The following PDE4D variants were observed in gnomAD, a reference collection of about 807,000 sequenced individuals.
The protein encoded by PDE4D is 3',5'-cyclic-AMP phosphodiesterase 4D.
A neutral mutation model predicts 87.4 loss-of-function variants in PDE4D; 24 were observed. The observed-to-expected ratio is 0.27, with a 90% CI of 0.20 to 0.39. The LOEUF is 0.39. Among genes scored for constraint, PDE4D ranks in the 10% least tolerant of loss-of-function variants. PDE4D has a pLI of 1.00. For missense variants in PDE4D, 714 were observed against 1,041.0 expected (o/e 0.69, Z 4.32); for synonymous variants, 384 against 383.2 (o/e 1.00, Z -0.02).
chr5:59,752,324 C>T (rs1169490946), intron 1 of PDE4D, among the ~76,000 whole-genome samples: 3 of 152,110 alleles, frequency 2.0e-5, no homozygotes, highest in Admixed American at 6.6e-5. Context: ...TTAAATATAT[C>T]ATTTGAACTT....
chr5:59,799,331 T>C (rs1044677021), intron 1 of PDE4D, among the ~76,000 whole-genome samples: 1 of 152,122 alleles, frequency 6.6e-6, no homozygotes, highest in Admixed American at 6.5e-5. Context: ...TTATGTGTAA[T>C]GATGAGGGAA....
chr5:59,853,379 T>C, intron 1 of PDE4D, among the ~76,000 whole-genome samples: 1 of 146,568 alleles, frequency 6.8e-6, no homozygotes, highest in South Asian at 2.1e-4. Flanking sequence ...GTCTTAAATG[T>C]AATTTGTTCT....
chr5:59,326,715 A>C (rs923309633), intron 1 of PDE4D, among the ~76,000 whole-genome samples: 3 of 150,884 alleles, frequency 2.0e-5, no homozygotes, highest in Non-Finnish European at 4.4e-5. Context: ...TGTAATCTCT[A>C]AAACACATGT....
chr5:59,519,018 CT>C (rs1226903221), intron 1 of PDE4D, among the ~76,000 whole-genome samples: 1 of 152,174 alleles, frequency 6.6e-6, no homozygotes, highest in Non-Finnish European at 1.5e-5. Context: ...GTGTTAGAGA[CT>C]TAGTAAAGCC....
chr5:59,359,932 G>GT (rs1294545976), intron 1 of PDE4D, among the ~76,000 whole-genome samples: 34 of 152,134 alleles, frequency 2.2e-4, no homozygotes, highest in African/African-American at 4.8e-4. Context: ...TGTTATCCAT[G>GT]TAAGTCCTAA....
intron 6 of PDE4D, chr5:58,999,995 G>T: frequency 1.3e-6 from 1 of 772,450 alleles, no homozygotes; most frequent in Non-Finnish European, 1.6e-6. Context: ...TGCACCAATT[G>T]CATTCCAGCT....
At chr5:59,109,164 A>G (rs930522224) in intron 5 of PDE4D, among the ~76,000 whole-genome samples, 1 of 152,178 alleles carries the variant, frequency 6.6e-6, no homozygotes, top group Non-Finnish European at 1.5e-5. Flanking sequence ...TGAGGCACTC[A>G]GATGAAAAAC....
rs1035829147 is a variant in PDE4D, at chr5:60,501,148, C to T, written n.70+20903G>A. On this transcript the variant is annotated intron_variant and non_coding_transcript_variant, in intron 1 of 2. Coordinates refer to the PDE4D transcript ENST00000506510. ...TATATCTCCTAATACTATCCCTCCC[C>T]GCTTCCCCCACCCCACAACAGTCCC... Among the ~76,000 whole-genome samples the T allele has an allele frequency of 4.6e-5, 7 of 152,260 alleles. No homozygotes were observed. In the East Asian group the frequency reaches 5.8e-4, roughly 13 times the overall value.
chr5:59,473,460 C>T (rs536917890), intron 1 of PDE4D, among the ~76,000 whole-genome samples: 1 of 152,098 alleles, frequency 6.6e-6, no homozygotes, highest in South Asian at 2.1e-4. Context: ...AACACCAAGC[C>T]ACTCCATATA....
chr5:59,594,296 A>ATTTG (rs771619707), intron 1 of PDE4D, among the ~76,000 whole-genome samples: 2 of 79,134 alleles, frequency 2.5e-5, no homozygotes, highest in African/African-American at 5.5e-5. Flanking sequence ...TTTTTATTTT[A>ATTTG]TTTATTTATT....
At chr5:60,436,041 A>G (rs570064546) in intron 1 of PDE4D, among the ~76,000 whole-genome samples, 1 of 152,250 alleles carries the variant, frequency 6.6e-6, no homozygotes, top group South Asian at 2.1e-4. Flanking sequence ...TTCAGAGTAG[A>G]TAATGAAACT....
exon 2 of PDE4D, chr5:60,185,644 C>A: frequency 7.9e-7 from 1 of 1,272,348 alleles, no homozygotes; most frequent in South Asian, 1.3e-5. Context: ...TTTCCAGTGT[C>A]AATGATCTCA....
intron 1 of PDE4D, among the ~76,000 whole-genome samples, chr5:60,323,967 C>T (rs559047541): frequency 6.6e-6 from 1 of 152,270 alleles, no homozygotes; most frequent in South Asian, 2.1e-4. Context: ...TTAATTTCCT[C>T]TGGTAGCACC....
chr5:60,304,651 C>CAAAAAAAAAAAAAAAAA (rs70975379), intron 1 of PDE4D, among the ~76,000 whole-genome samples: 20 of 60,056 alleles, frequency 3.3e-4, no homozygotes, highest in African/African-American at 1.6e-3. Context: ...GACTCCGTCT[C>CAAAAAAAAAAAAAAAAA]AAAAAAAAAA....
At chr5:58,989,944 C>A in intron 9 of PDE4D, 25 bp from the exon 10 acceptor site, 2 of 1,411,558 alleles carry the variant, frequency 1.4e-6, no homozygotes, top group Non-Finnish European at 2.0e-6. Context: ...ATCATCTTAA[C>A]ATTTTTGTCT....
intron 1 of PDE4D, among the ~76,000 whole-genome samples, chr5:59,334,383 C>G (rs945649518): frequency 6.6e-6 from 1 of 151,030 alleles, no homozygotes; most frequent in African/African-American, 2.4e-5. Flanking sequence ...CTCAGCCTCC[C>G]TAGTAGCTGG....
At chr5:59,276,172 T>A (rs1171222644) in intron 1 of PDE4D, 11 of 972,128 alleles carry the variant, frequency 1.1e-5, no homozygotes, top group Non-Finnish European at 1.3e-5. Context: ...CCTAGCCTCG[T>A]CAATTGCTGA....
rs1038004898 is a variant in PDE4D at position 60,514,047 on chromosome 5, C to T, written n.70+8004G>A. Among the ~76,000 whole-genome samples, 64 of 151,494 alleles carry T rather than the reference C, an allele frequency of 4.2e-4. 1 individual carries two copies. Among genetic ancestry groups the T allele is most frequent in the Non-Finnish European group, 6.6e-4 (45 of 67,720 alleles). ...ATAAAGAATATCAATAAAAAGCCAA[C>T]AGATGGTTCTTTGAAATGACTAATA... On this transcript the variant is annotated intron_variant and non_coding_transcript_variant, in intron 1 of 2. Coordinates refer to the PDE4D transcript ENST00000506510.
At chr5:59,335,669 T>G (rs1777534159) in intron 1 of PDE4D, among the ~76,000 whole-genome samples, 1 of 152,182 alleles carries the variant, frequency 6.6e-6, no homozygotes, top group Non-Finnish European at 1.5e-5. Flanking sequence ...GAAGTAAGAA[T>G]TGCTCCTTTA....
Sources: allele counts gnomAD v4.1 joint callset (sites outside exome capture counted in the v4.1 genomes callset), GRCh38; gene constraint gnomAD v4.1.1; transcripts MANE v1.5; gene names NCBI Gene and HGNC (gene_info 2026-07-23, HGNC 2026-07-21).